RTN1: variants seen among roughly 807,000 people sequenced by gnomAD.
The protein encoded by RTN1 is reticulon 1, also known as reticulon-1.
RTN1 carries 25 observed loss-of-function variants against 65.5 expected under a neutral mutation model. That is an observed-to-expected ratio of 0.38 (90% CI 0.28 to 0.53). RTN1 has a LOEUF of 0.53. Ranked by LOEUF, RTN1 falls within the 20% of genes least tolerant of loss-of-function variation. RTN1 has a pLI of 0.79. For missense variants in RTN1, 983 were observed against 1,025.4 expected (o/e 0.96, Z 0.57); for synonymous variants, 471 against 447.6 (o/e 1.05, Z -0.66).
At chr14:59,602,617 G>T (rs541410051) in intron 8 of RTN1, among the ~76,000 whole-genome samples, 1 of 152,048 alleles carries the variant, frequency 6.6e-6, no homozygotes, top group Admixed American at 6.5e-5. Context: ...GTATTTTAAA[G>T]TTCTAAAAAT....
chr14:59,763,382 C>T (rs1252986579), intron 1 of RTN1, among the ~76,000 whole-genome samples: 1 of 152,080 alleles, frequency 6.6e-6, no homozygotes, highest in Non-Finnish European at 1.5e-5. Context: ...GAATATTGAT[C>T]CAAGTGACTC....
chr14:59,845,294 A>T (rs1227431697), intron 1 of RTN1, among the ~76,000 whole-genome samples: 1 of 152,206 alleles, frequency 6.6e-6, no homozygotes, highest in Non-Finnish European at 1.5e-5. Flanking sequence ...TTTGCAATGG[A>T]GTGCTATTAT....
intron 1 of RTN1, among the ~76,000 whole-genome samples, chr14:59,844,850 AG>A (rs1407486642): frequency 6.6e-6 from 1 of 152,224 alleles, no homozygotes; most frequent in Non-Finnish European, 1.5e-5. Context: ...ATAGATGATC[AG>A]GGGTCTTTCT....
chr14:59,811,315 C>T lies in RTN1; in HGVS notation c.241+59075G>A, dbSNP rs553251026. Among the ~76,000 whole-genome samples the T allele has an allele frequency of 3.9e-5, 6 of 152,260 alleles. No individual in the cohort carries two copies. The South Asian group carries it at 1.2e-3, about 32-fold the overall frequency. ...ATAGCCCTGATGATGCAAACACAAG[C>T]AAATGACCCCAAAATGAACTGACAC... On this transcript the variant is annotated intron_variant, in intron 1 of 8. Transcript: ENST00000267484.
intron 1 of RTN1, among the ~76,000 whole-genome samples, chr14:59,796,676 G>C (rs961715778): frequency 5.3e-5 from 8 of 152,062 alleles, no homozygotes; most frequent in African/African-American, 1.9e-4. Flanking sequence ...CTGGTCTAAT[G>C]AACTCATTCT....
intron 1 of RTN1, among the ~76,000 whole-genome samples, chr14:59,759,505 T>C (rs901354251): frequency 6.6e-6 from 1 of 152,214 alleles, no homozygotes; most frequent in Non-Finnish European, 1.5e-5. Flanking sequence ...ATGACACTTA[T>C]TAAGGGCTCA....
intron 4 of RTN1, chr14:59,605,914 C>T (rs909756134): frequency 6.5e-6 from 1 of 154,422 alleles, no homozygotes; most frequent in Non-Finnish European, 1.4e-5. Flanking sequence ...CCAACTGTTC[C>T]TCATCAGATC....
chr14:59,748,793 T>C (rs2038996146), intron 1 of RTN1, among the ~76,000 whole-genome samples: 2 of 151,726 alleles, frequency 1.3e-5, no homozygotes, highest in African/African-American at 2.4e-5. Context: ...GAAAGTGATA[T>C]TTTTGTGGGG....
chr14:59,864,350 T>A (rs1051633067), intron 1 of RTN1, among the ~76,000 whole-genome samples: 1 of 152,190 alleles, frequency 6.6e-6, no homozygotes, highest in Admixed American at 6.6e-5. Flanking sequence ...CAAAATGTTC[T>A]TCTCTCAGAC....
At chr14:59,596,830 T>A in intron 8 of RTN1, 43 bp from the exon 9 acceptor site, 1 of 1,480,880 alleles carries the variant, frequency 6.8e-7, no homozygotes, top group African/African-American at 1.4e-5. Flanking sequence ...CAAGTGTTAT[T>A]AATGAAATCA....
chr14:59,756,530 A>G (rs540305099), intron 1 of RTN1, among the ~76,000 whole-genome samples: 1 of 152,298 alleles, frequency 6.6e-6, no homozygotes, highest in South Asian at 2.1e-4. Context: ...TCTACTCCCA[A>G]TGTTTCCAAT....
rs75706011 is a variant in RTN1, at chr14:59,808,347, T to G, written c.242-61866A>C. 3.8e-3 allele frequency among the ~76,000 whole-genome samples: 579 copies of G among 152,340 alleles called. 19 individuals carry two copies. In the East Asian group the frequency reaches 0.057, roughly 15 times the overall value. On this transcript the variant is annotated intron_variant, in intron 1 of 8. Transcript: ENST00000267484. Reference sequence around the variant, plus strand: ...TTTGTCTTTATAAATAATCCCAAACTGCTACACTTTGGAATGCTGATTTCC... The same window carrying G: ...TTTGTCTTTATAAATAATCCCAAACGGCTACACTTTGGAATGCTGATTTCC...
chr14:59,858,998 A>G (rs1407119296), intron 1 of RTN1, among the ~76,000 whole-genome samples: 3 of 152,220 alleles, frequency 2.0e-5, no homozygotes, highest in Non-Finnish European at 4.4e-5. Context: ...ATGTCACATT[A>G]TGGACTTTTC....
At chr14:59,869,411 T>A (rs977649864) in intron 1 of RTN1, among the ~76,000 whole-genome samples, 5 of 151,964 alleles carry the variant, frequency 3.3e-5, no homozygotes, top group South Asian at 4.2e-4. Context: ...GCATCCCCTT[T>A]CCTCTCCCTG....
At chr14:59,684,381 A>C (rs1238046953) in intron 3 of RTN1, among the ~76,000 whole-genome samples, 1 of 152,100 alleles carries the variant, frequency 6.6e-6, no homozygotes, top group Non-Finnish European at 1.5e-5. Context: ...AGTTATAATT[A>C]GGACTTCTCT....
intron 3 of RTN1, among the ~76,000 whole-genome samples, chr14:59,629,376 G>A (rs1882483584): frequency 6.6e-6 from 1 of 152,128 alleles, no homozygotes; most frequent in African/African-American, 2.4e-5. Flanking sequence ...AAAGATAAAA[G>A]GACATCCTAT....
chr14:59,648,103 T>G (rs1882940128), intron 3 of RTN1, among the ~76,000 whole-genome samples: 1 of 152,182 alleles, frequency 6.6e-6, no homozygotes, highest in African/African-American at 2.4e-5. Context: ...AAATGGGATG[T>G]TACCATTGAC....
chr14:59,859,917 T>G (rs1022186267), intron 1 of RTN1, among the ~76,000 whole-genome samples: 1 of 152,204 alleles, frequency 6.6e-6, no homozygotes, highest in Non-Finnish European at 1.5e-5. Context: ...CAGCAAAGCA[T>G]TCAAGATGTG....
intron 1 of RTN1, among the ~76,000 whole-genome samples, chr14:59,784,889 T>C (rs1239243489): frequency 6.6e-6 from 1 of 152,218 alleles, no homozygotes; most frequent in East Asian, 1.9e-4. Flanking sequence ...TGGAAGCAGG[T>C]AAACTTTTTG....
Sources: gnomAD v4.1 joint callset for allele counts (sites outside exome capture counted in the v4.1 genomes callset) on GRCh38, gnomAD v4.1.1 for gene constraint, MANE v1.5 for transcripts, NCBI Gene and HGNC (gene_info 2026-07-23, HGNC 2026-07-21) for gene names.